MXI1: variants seen among roughly 807,000 people sequenced by gnomAD.
MXI1 encodes the protein max-interacting protein 1.
MXI1 carries 18 observed loss-of-function variants against 36.9 expected under a neutral mutation model. That is an observed-to-expected ratio of 0.49 (90% CI 0.34 to 0.72). The LOEUF (loss-of-function observed/expected upper bound fraction) is 0.72, where lower values mean the gene tolerates loss of function less well. MXI1 is among the 30% of genes least tolerant of loss of function. MXI1 has a pLI of 0.01. For missense variants in MXI1, 304 were observed against 379.1 expected (o/e 0.80, Z 1.64); for synonymous variants, 160 against 146.7 (o/e 1.09, Z -0.65).
At chr10:110,262,781 A>G (rs909981266) in intron 3 of MXI1, among the ~76,000 whole-genome samples, 20 of 152,280 alleles carry the variant, frequency 1.3e-4, no homozygotes, top group African/African-American at 4.1e-4. Flanking sequence ...GGTTAATGAC[A>G]AAGTCAGGAT....
chr10:110,210,337 C>T (rs1459940230), intron 1 of MXI1: 4 of 960,370 alleles, frequency 4.2e-6, no homozygotes, highest in East Asian at 1.2e-4. Flanking sequence ...GTCCCTCGGC[C>T]CCGCAGCCCC....
intron 1 of MXI1, among the ~76,000 whole-genome samples, chr10:110,217,507 C>A (rs1590327494): frequency 6.6e-6 from 1 of 152,198 alleles, no homozygotes; most frequent in African/African-American, 2.4e-5. Context: ...TTATGGTGCC[C>A]CTGTGTTATC....
chr10:110,207,823 G>A lies in MXI1; in HGVS notation c.15G>A (p.Gly5=). ...CCCGCTCCTCCATGGGCAAACGCGG[G>A]CGGCCGCGCAAGGAGGCGCGCTGCG... The part of the protein sequence containing the change: MGKR[G]RPRKEARCEG... Residue 5 remains glycine, a synonymous_variant, in exon 1 of 6, where the codon GGG becomes GGA. Coordinates refer to ENST00000332674, the MANE Select transcript of MXI1 (RefSeq NM_130439.3). The A allele has an allele frequency of 1.6e-5, 18 of 1,119,560 alleles. No individual in the cohort carries two copies. The highest frequency in any genetic ancestry group is 2.0e-5 in the Non-Finnish European group (18 of 916,386). 69.4% of individuals were successfully genotyped at this position (1,119,560 alleles called of 1,614,324 possible). A position where few individuals can be genotyped will look rare whatever the true frequency, so the allele number is the denominator to read the frequency against.
chr10:110,245,430 G>C (rs968911379), intron 3 of MXI1, among the ~76,000 whole-genome samples: 1 of 152,102 alleles, frequency 6.6e-6, no homozygotes, highest in African/African-American at 2.4e-5. Flanking sequence ...TGGTAAGTAT[G>C]GTAATGGAGA....
At chr10:110,279,337 T>C (rs767095106) in intron 4 of MXI1, 43 bp downstream of exon 4, 68 of 1,520,922 alleles carry the variant, frequency 4.5e-5, no homozygotes, top group Non-Finnish European at 5.9e-5. Context: ...CCCTCAGTTC[T>C]GGTTTAATTA....
chr10:110,259,922 A>G (rs1424970032), intron 3 of MXI1, among the ~76,000 whole-genome samples: 1 of 152,120 alleles, frequency 6.6e-6, no homozygotes, highest in Non-Finnish European at 1.5e-5. Context: ...GAAAATAATT[A>G]ATCAGCACTA....
In MXI1 at chr10:110,209,600, G is replaced by C. The variant is rs1476171801; in HGVS notation, c.274+1518G>C. Reference sequence around the variant, plus strand: ...TGTTTTCCCGGAGTGCCTGGGTTGCGAGAAAGGCGCATCGCAGGCTGTGCA... The same window carrying C: ...TGTTTTCCCGGAGTGCCTGGGTTGCCAGAAAGGCGCATCGCAGGCTGTGCA... On this transcript the variant is annotated intron_variant, in intron 1 of 5. Transcript: ENST00000332674. Among the ~76,000 whole-genome samples, 5 of 152,222 alleles carry C rather than the reference G, an allele frequency of 3.3e-5. No homozygotes were observed. In the South Asian group the frequency reaches 8.3e-4, roughly 25 times the overall value.
chr10:110,235,410 G>A (rs143366938), intron 2 of MXI1, among the ~76,000 whole-genome samples: 13 of 152,080 alleles, frequency 8.5e-5, no homozygotes, highest in Admixed American at 2.6e-4. Context: ...AAGCTTGGCC[G>A]GGCACAGTGG....
chr10:110,276,023 C>G (rs951007621), intron 3 of MXI1, among the ~76,000 whole-genome samples: 1 of 152,182 alleles, frequency 6.6e-6, no homozygotes, highest in Admixed American at 6.5e-5. Flanking sequence ...ATTTTTCAAA[C>G]TTTGGTCTGG....
intron 3 of MXI1, among the ~76,000 whole-genome samples, chr10:110,252,022 TA>T (rs778657616): frequency 6.6e-6 from 1 of 152,078 alleles, no homozygotes; most frequent in African/African-American, 2.4e-5. Context: ...ACAAAGCATT[TA>T]AAAAAGTACA....
intron 3 of MXI1, among the ~76,000 whole-genome samples, chr10:110,271,998 C>T (rs1856868748): frequency 6.6e-6 from 1 of 152,196 alleles, no homozygotes; most frequent in Non-Finnish European, 1.5e-5. Context: ...CTTTTTCCCT[C>T]TCCAAACCTT....
At chr10:110,244,458 A>C (rs1245458626) in intron 2 of MXI1, among the ~76,000 whole-genome samples, 1 of 151,374 alleles carries the variant, frequency 6.6e-6, no homozygotes, top group Non-Finnish European at 1.5e-5. Context: ...ATGGAAGTAC[A>C]CCCACTTTTT....
At chr10:110,245,855 CA>C (rs1855842379) in intron 3 of MXI1, 2 of 151,690 alleles carry the variant, frequency 1.3e-5, no homozygotes, top group African/African-American at 4.8e-5. Flanking sequence ...TAGAAGTAGA[CA>C]AAGTAAAGAG....
chr10:110,230,494 AAGAG>A (rs543994998), intron 2 of MXI1, among the ~76,000 whole-genome samples: 7 of 151,784 alleles, frequency 4.6e-5, no homozygotes, highest in Non-Finnish European at 8.8e-5. Flanking sequence ...AGTAGCAAGA[AAGAG>A]AGAGAGAGAG....
rs1283283380 is a variant in MXI1, at chr10:110,207,985, G to C, written c.177G>C (p.Glu59Asp). The change falls in exon 1 of 6, where the codon GAG becomes GAC. Residue 59 changes from glutamate (E) to aspartate (D), a missense_variant. By Grantham distance (45) the Glu-to-Asp change is conservative. Transcript: ENST00000332674. The stretch of plus-strand genomic sequence containing the variant: ...TCTCAGACATTTTCAACACCAGCGA[G>C]AACTCGATGGAGAAGCACATCAACA... ...CPFSDIFNTS[E>D]NSMEKHINTF... 4 of 1,602,298 alleles carry C rather than the reference G, an allele frequency of 2.5e-6. No homozygotes were observed. Among genetic ancestry groups the C allele is most frequent in the Non-Finnish European group, 2.6e-6 (3 of 1,174,856 alleles).
At chr10:110,284,134 GT>G (rs964853179) in intron 5 of MXI1, among the ~76,000 whole-genome samples, 180 of 142,574 alleles carry the variant, frequency 1.3e-3, no homozygotes, top group East Asian at 2.4e-3. Flanking sequence ...TATTTGTGGT[GT>G]TTTTTTTTTT....
At chr10:110,284,273 C>G (rs933967836) in intron 5 of MXI1, among the ~76,000 whole-genome samples, 1 of 151,956 alleles carries the variant, frequency 6.6e-6, no homozygotes, top group Non-Finnish European at 1.5e-5. Context: ...AAGACATATA[C>G]CTCAAACTCT....
At chr10:110,256,949 G>A (rs923751833) in intron 3 of MXI1, 10 of 152,224 alleles carry the variant, frequency 6.6e-5, no homozygotes, top group African/African-American at 2.4e-4. Context: ...TGTGGTGCCA[G>A]TATGTAATGT....
chr10:110,279,876 G>T, intron 4 of MXI1, 38 bp from the exon 5 acceptor site: 1 of 1,535,618 alleles, frequency 6.5e-7, no homozygotes, highest in South Asian at 1.2e-5. Flanking sequence ...GTTTGTACTG[G>T]ACTATACACA....
Sources: allele counts gnomAD v4.1 joint callset (sites outside exome capture counted in the v4.1 genomes callset), GRCh38; gene constraint gnomAD v4.1.1; transcripts MANE v1.5; gene names NCBI Gene and HGNC (gene_info 2026-07-23, HGNC 2026-07-21).